UBE2E2: variants seen among roughly 807,000 people sequenced by gnomAD.
UBE2E2 encodes the protein ubiquitin-conjugating enzyme E2 E2.
Under a neutral mutation model 24.7 loss-of-function variants are expected in UBE2E2, and 6 were observed. The observed-to-expected ratio is 0.24, with a 90% CI of 0.13 to 0.48. The LOEUF (loss-of-function observed/expected upper bound fraction) is 0.48. Among genes scored for constraint, UBE2E2 ranks in the 20% least tolerant of loss-of-function variants. The pLI is 0.99. For synonymous variants in UBE2E2, 104 were observed against 83.6 expected, an observed-to-expected ratio of 1.24 and a Z score of -1.33; for missense variants, 169 against 245.0, an observed-to-expected ratio of 0.69 and a Z score of 2.07.
chr3:23,248,041 C>G (rs1013262119), intron 3 of UBE2E2, among the ~76,000 whole-genome samples: 1 of 152,346 alleles, frequency 6.6e-6, no homozygotes, highest in East Asian at 1.9e-4. Context: ...ATTTTTGTCT[C>G]CAATTCCCAA....
At chr3:23,244,912 A>G (rs1372449114) in intron 3 of UBE2E2, among the ~76,000 whole-genome samples, 1 of 152,162 alleles carries the variant, frequency 6.6e-6, no homozygotes, top group Non-Finnish European at 1.5e-5. Context: ...ATAAATTGCA[A>G]TGATTTATTT....
rs547107720 is a variant in UBE2E2, at chr3:23,487,776, C to T, written c.228-11832C>T. On this transcript the variant is annotated intron_variant, in intron 3 of 5. Transcript: ENST00000396703. ...GCATACTTTCTTTACCACCATGTTA[C>T]GGTAATAGATTCATGTTTTACAAAA... Among the ~76,000 whole-genome samples, 186 of 152,208 alleles carry T rather than the reference C, an allele frequency of 1.2e-3. 1 individual carries two copies. The highest frequency in any genetic ancestry group is 3.4e-3 in the Middle Eastern group (1 of 294).
intron 3 of UBE2E2, among the ~76,000 whole-genome samples, chr3:23,359,758 T>TG (rs1435795681): frequency 3.9e-5 from 6 of 152,294 alleles, no homozygotes; most frequent in African/African-American, 1.4e-4. Flanking sequence ...AAATTATACT[T>TG]GCACCTTGAG....
intron 3 of UBE2E2, among the ~76,000 whole-genome samples, chr3:23,253,825 T>A (rs919688272): frequency 2.4e-4 from 37 of 152,310 alleles, no homozygotes; most frequent in African/African-American, 8.7e-4. Flanking sequence ...TATATGTAAA[T>A]TGTGATTATG....
chr3:23,351,772 C>A (rs1394341576), intron 3 of UBE2E2, among the ~76,000 whole-genome samples: 1 of 152,146 alleles, frequency 6.6e-6, no homozygotes, highest in African/African-American at 2.4e-5. Context: ...TAGACTCCCA[C>A]ACAATAATAA....
chr3:23,262,692 T>G (rs1431708906), intron 3 of UBE2E2, among the ~76,000 whole-genome samples: 1 of 152,152 alleles, frequency 6.6e-6, no homozygotes, highest in Non-Finnish European at 1.5e-5. Context: ...TTTGTAAATG[T>G]TTTCTTCCAT....
intron 3 of UBE2E2, among the ~76,000 whole-genome samples, chr3:23,344,901 G>T (rs182546204): frequency 6.6e-6 from 1 of 151,886 alleles, no homozygotes; most frequent in African/African-American, 2.4e-5. Flanking sequence ...AATGAGGAAA[G>T]ATTTTTTTTT....
intron 3 of UBE2E2, among the ~76,000 whole-genome samples, chr3:23,290,024 T>C (rs779646233): frequency 7.2e-5 from 11 of 152,214 alleles, no homozygotes; most frequent in Non-Finnish European, 1.5e-4. Context: ...TAAGGGGAAA[T>C]TTGAGTTAAC....
intron 3 of UBE2E2, among the ~76,000 whole-genome samples, chr3:23,482,904 G>A (rs1450311306): frequency 6.6e-6 from 1 of 152,126 alleles, no homozygotes. Flanking sequence ...TAAATAAATT[G>A]CCAAATAACT....
intron 3 of UBE2E2, among the ~76,000 whole-genome samples, chr3:23,394,441 G>A (rs530623858): frequency 1.3e-5 from 2 of 152,114 alleles, no homozygotes; most frequent in Non-Finnish European, 2.9e-5. Context: ...GCCTTATCAT[G>A]GGAAAAAAGT....
intron 3 of UBE2E2, among the ~76,000 whole-genome samples, chr3:23,351,719 C>T (rs1232090794): frequency 6.6e-6 from 1 of 152,108 alleles, no homozygotes; most frequent in African/African-American, 2.4e-5. Flanking sequence ...TACAGGAGCA[C>T]CCAGATTCAT....
At chr3:23,208,343 C>T (rs976501896) in intron 1 of UBE2E2, among the ~76,000 whole-genome samples, 2 of 152,228 alleles carry the variant, frequency 1.3e-5, no homozygotes. Flanking sequence ...AGACACAGTA[C>T]TTCATTCTTT....
At chr3:23,514,425 GTTGGT>G (rs1477817545) in intron 4 of UBE2E2, among the ~76,000 whole-genome samples, 2 of 152,016 alleles carry the variant, frequency 1.3e-5, no homozygotes, top group South Asian at 2.1e-4. Context: ...TTTTTGCCCT[GTTGGT>G]TTGTAGTACT....
chr3:23,317,562 A>G (rs1694619222), intron 3 of UBE2E2, among the ~76,000 whole-genome samples: 1 of 152,184 alleles, frequency 6.6e-6, no homozygotes, highest in Non-Finnish European at 1.5e-5. Flanking sequence ...ACAGTTCCGC[A>G]TGGCTGGGAA....
At chr3:23,507,876 CT>C (rs1408801236) in intron 4 of UBE2E2, among the ~76,000 whole-genome samples, 6 of 152,328 alleles carry the variant, frequency 3.9e-5, no homozygotes, top group African/African-American at 1.4e-4. Flanking sequence ...CAGGAATCCT[CT>C]TTCCGAAGAC....
intron 3 of UBE2E2, among the ~76,000 whole-genome samples, chr3:23,249,271 CAA>C (rs58820253): frequency 7.3e-5 from 10 of 137,580 alleles, no homozygotes; most frequent in African/African-American, 5.3e-5. Flanking sequence ...GACCCTGTCT[CAA>C]AAAAAAAAAA....
chr3:23,426,417 C>CAAAAAAAAAAAAAAAAAAAAA (rs34164749), intron 3 of UBE2E2, among the ~76,000 whole-genome samples: 1 of 120,082 alleles, frequency 8.3e-6, no homozygotes, highest in African/African-American at 3.0e-5. Flanking sequence ...AGGATAAATG[C>CAAAAAAAAAAAAAAAAAAAAA]AAAAAAAAAA....
intron 3 of UBE2E2, among the ~76,000 whole-genome samples, chr3:23,436,421 G>C (rs545806584): frequency 6.0e-4 from 92 of 152,180 alleles, no homozygotes; most frequent in African/African-American, 2.1e-3. Flanking sequence ...TTAGTCCTGC[G>C]TTCTTCAGAA....
intron 3 of UBE2E2, among the ~76,000 whole-genome samples, chr3:23,426,611 C>A (rs1320948952): frequency 1.3e-5 from 2 of 152,046 alleles, no homozygotes; most frequent in African/African-American, 2.4e-5. Context: ...GAGAAAAAAA[C>A]TTCCAGCCAA....
Sources: allele counts gnomAD v4.1 joint callset (sites outside exome capture counted in the v4.1 genomes callset), GRCh38; gene constraint gnomAD v4.1.1; transcripts MANE v1.5; gene names NCBI Gene and HGNC (gene_info 2026-07-23, HGNC 2026-07-21).